Variants in TDP1 observed in about 807,000 individuals in gnomAD.
TDP1 encodes tyrosyl-DNA phosphodiesterase 1.
In TDP1, 64 loss-of-function variants were observed where a neutral mutation model predicts 81.5. That is an observed-to-expected ratio of 0.79 (90% confidence interval 0.64 to 0.97). The LOEUF is 0.97. Ranked by LOEUF, TDP1 falls within the 50% of genes least tolerant of loss-of-function variation. The pLI is 0.00. For missense variants in TDP1, 723 were observed against 743.8 expected, an observed-to-expected ratio of 0.97 and a Z score of 0.33; for synonymous variants, 256 against 264.3, an observed-to-expected ratio of 0.97 and a Z score of 0.30.
At chr14:90,008,385 G>A (rs1884303982) in intron 14 of TDP1, among the ~76,000 whole-genome samples, 1 of 152,070 alleles carries the variant, frequency 6.6e-6, no homozygotes. Context: ...TTTAATTCTA[G>A]TGACTGTATT....
intron 15 of TDP1, chr14:90,032,789 CTG>C (rs1887429793): frequency 1.0e-6 from 1 of 984,848 alleles, no homozygotes; most frequent in Non-Finnish European, 1.2e-6. Context: ...TCCCTGCAAA[CTG>C]TACATAATGT....
intron 14 of TDP1, among the ~76,000 whole-genome samples, chr14:90,003,923 TCTC>T (rs1324931724): frequency 6.6e-6 from 1 of 152,132 alleles, no homozygotes; most frequent in Non-Finnish European, 1.5e-5. Context: ...CTCTTTTTGT[TCTC>T]CTTTGTCTGA....
intron 2 of TDP1, chr14:89,958,543 A>G (rs561783878): frequency 3.9e-5 from 6 of 152,310 alleles, no homozygotes; most frequent in African/African-American, 9.6e-5. Flanking sequence ...TGTGTGCTCC[A>G]TGGTTTGTGA....
intron 15 of TDP1, among the ~76,000 whole-genome samples, chr14:90,023,439 C>T (rs1362739087): frequency 6.6e-6 from 1 of 152,078 alleles, no homozygotes; most frequent in Non-Finnish European, 1.5e-5. Context: ...CTTGGTTCCA[C>T]GTGGATAGTA....
chr14:90,042,117 C>T lies in TDP1; in HGVS notation c.1754-953C>T, dbSNP rs562306863. On this transcript the variant is annotated intron_variant, in intron 16 of 16. Transcript: ENST00000335725. ...TACCCAGGCATGTTGTTTTCTTCAG[C>T]ATTGGTCTACAGTTATTTATACAGA... Among the ~76,000 whole-genome samples, 4 of 152,316 alleles carry T rather than the reference C, an allele frequency of 2.6e-5. No individual in the cohort carries two copies. The South Asian group carries it at 8.3e-4, about 32-fold the overall frequency.
At chr14:90,026,872 G>C (rs1886722378) in intron 15 of TDP1, among the ~76,000 whole-genome samples, 1 of 152,144 alleles carries the variant, frequency 6.6e-6, no homozygotes, top group South Asian at 2.1e-4. Flanking sequence ...ATGGACATTT[G>C]GGTTGGTTCC....
At chr14:89,977,986 A>C (rs1026991071) in intron 7 of TDP1, among the ~76,000 whole-genome samples, 4 of 152,224 alleles carry the variant, frequency 2.6e-5, no homozygotes, top group Non-Finnish European at 1.5e-5. Context: ...ATAGAGGGGA[A>C]AGAGAAAGCC....
At chr14:90,025,024 T>C (rs2140290903) in intron 15 of TDP1, among the ~76,000 whole-genome samples, 1 of 152,306 alleles carries the variant, frequency 6.6e-6, no homozygotes, top group African/African-American at 2.4e-5. Context: ...ACCACCCACA[T>C]GTCTGAGGTA....
At chr14:89,967,146 T>C in intron 4 of TDP1, 1 of 982,434 alleles carries the variant, frequency 1.0e-6, no homozygotes, top group Non-Finnish European at 1.2e-6. Flanking sequence ...TGGGAACCTG[T>C]TATCTCATGT....
At chr14:89,988,850 C>G in intron 10 of TDP1, 55 bp from the exon 11 acceptor site, 1 of 1,611,326 alleles carries the variant, frequency 6.2e-7, no homozygotes, top group Non-Finnish European at 8.5e-7. Context: ...AATATTGCAG[C>G]ATTTCTGTTA....
chr14:90,029,539 C>T (rs1157418671), intron 15 of TDP1, among the ~76,000 whole-genome samples: 1 of 142,006 alleles, frequency 7.0e-6, no homozygotes, highest in African/African-American at 2.7e-5. Flanking sequence ...ATCACTGTCA[C>T]CTAGGCTGGA....
At chr14:89,999,066 A>G (rs1426917374) in intron 14 of TDP1, among the ~76,000 whole-genome samples, 2 of 152,170 alleles carry the variant, frequency 1.3e-5, no homozygotes, top group Non-Finnish European at 2.9e-5. Context: ...TTATACTCAA[A>G]TAGTGTGTCT....
chr14:90,004,858 A>AAC (rs1897520333), intron 14 of TDP1, among the ~76,000 whole-genome samples: 3 of 152,214 alleles, frequency 2.0e-5, no homozygotes, highest in African/African-American at 7.2e-5. Flanking sequence ...ACATGCTGTT[A>AAC]GGCTTTCTGG....
chr14:89,966,072 G>T (rs113918892), intron 3 of TDP1, 75 bp from the exon 4 acceptor site: 3 of 1,054,522 alleles, frequency 2.8e-6, no homozygotes, highest in Non-Finnish European at 4.4e-6. Context: ...AGTGACTGTT[G>T]AATGAGTTAG....
At chr14:89,972,399 A>C (rs1234661338) in intron 6 of TDP1, among the ~76,000 whole-genome samples, 1 of 152,202 alleles carries the variant, frequency 6.6e-6, no homozygotes, top group South Asian at 2.1e-4. Flanking sequence ...ATCACCTCCT[A>C]CCAGGCCCCT....
chr14:89,980,071 T>A (rs1894802137), intron 7 of TDP1: 1 of 719,936 alleles, frequency 1.4e-6, no homozygotes, highest in Admixed American at 6.3e-5. Flanking sequence ...CTAACATACC[T>A]TTGTGCCAAA....
intron 14 of TDP1, among the ~76,000 whole-genome samples, chr14:90,003,085 A>G (rs925824036): frequency 4.6e-5 from 7 of 151,966 alleles, no homozygotes; most frequent in African/African-American, 1.4e-4. Flanking sequence ...CTACAGGCGC[A>G]TGCCACCATG....
intron 8 of TDP1, among the ~76,000 whole-genome samples, chr14:89,981,283 AAAGC>A (rs1367030502): frequency 6.6e-6 from 1 of 152,196 alleles, no homozygotes. Context: ...ACTGAATACG[AAAGC>A]TTTTATGAAC....
At chr14:90,037,476 A>G (rs1887934151) in intron 16 of TDP1, among the ~76,000 whole-genome samples, 1 of 152,204 alleles carries the variant, frequency 6.6e-6, no homozygotes, top group South Asian at 2.1e-4. Context: ...TATTATTTTA[A>G]AAAAATACAC....
Sources: gnomAD v4.1 joint callset for allele counts (sites outside exome capture counted in the v4.1 genomes callset) on GRCh38, gnomAD v4.1.1 for gene constraint, MANE v1.5 for transcripts, NCBI Gene and HGNC (gene_info 2026-07-23, HGNC 2026-07-21) for gene names.